The following GABRG3 variants were observed in gnomAD, a reference collection of about 807,000 sequenced individuals.
GABRG3 encodes the protein gamma-aminobutyric acid type A receptor subunit gamma3, also known as gamma-aminobutyric acid receptor subunit gamma-3.
In GABRG3, 25 loss-of-function variants were observed where a neutral mutation model predicts 48.8. That is an observed-to-expected ratio of 0.51 (90% CI 0.37 to 0.72). The LOEUF is 0.72. Among genes scored for constraint, GABRG3 ranks in the 30% least tolerant of loss-of-function variants. GABRG3 has a pLI of 0.00. For synonymous variants in GABRG3, 227 were observed against 217.6 expected, an observed-to-expected ratio of 1.04 and a Z score of -0.38; for missense variants, 394 against 577.9, an observed-to-expected ratio of 0.68 and a Z score of 3.26.
chr15:27,042,375 G>C (rs191690578), intron 3 of GABRG3, among the ~76,000 whole-genome samples: 1 of 152,288 alleles, frequency 6.6e-6, no homozygotes, highest in African/African-American at 2.4e-5. Context: ...GAATGCTGCA[G>C]CCCTCCTGCT....
intron 2 of GABRG3, among the ~76,000 whole-genome samples, chr15:26,978,117 A>T (rs61999631): frequency 0.043 from 6,497 of 152,032 alleles, 183 homozygotes; most frequent in Non-Finnish European, 0.061. Flanking sequence ...TTATTTATTT[A>T]TTTATTTTGC....
intron 3 of GABRG3, among the ~76,000 whole-genome samples, chr15:27,117,226 T>G (rs930725029): frequency 6.6e-6 from 1 of 152,214 alleles, no homozygotes; most frequent in Non-Finnish European, 1.5e-5. Flanking sequence ...GAAATCTCAT[T>G]TCATTGAAGT....
intron 3 of GABRG3, among the ~76,000 whole-genome samples, chr15:27,126,288 G>T (rs963899743): frequency 2.0e-5 from 3 of 152,200 alleles, no homozygotes; most frequent in Non-Finnish European, 2.9e-5. Flanking sequence ...ACTGGGGCAC[G>T]GAGAGGCTCA....
intron 3 of GABRG3, among the ~76,000 whole-genome samples, chr15:27,058,824 G>A (rs759963466): frequency 1.2e-4 from 19 of 152,084 alleles, no homozygotes; most frequent in Non-Finnish European, 2.2e-4. Context: ...ATGCCATATC[G>A]TATAAAGTAA....
At chr15:27,185,646 G>T (rs2140419134) in intron 3 of GABRG3, among the ~76,000 whole-genome samples, 1 of 152,226 alleles carries the variant, frequency 6.6e-6, no homozygotes, top group African/African-American at 2.4e-5. Flanking sequence ...TGTTCTCAAT[G>T]ATAGCTATAA....
intron 3 of GABRG3, among the ~76,000 whole-genome samples, chr15:27,270,736 G>A (rs920690181): frequency 1.3e-4 from 20 of 152,116 alleles, no homozygotes; most frequent in African/African-American, 2.4e-4. Flanking sequence ...AACTCTAAGA[G>A]TTATCACCAA....
chr15:27,476,650 T>G (rs1037512794), intron 5 of GABRG3, among the ~76,000 whole-genome samples: 1 of 151,778 alleles, frequency 6.6e-6, no homozygotes, highest in Admixed American at 6.6e-5. Flanking sequence ...GAAAAATGAA[T>G]GAAGAAAAAT....
chr15:27,502,790 G>A (rs902490034), intron 6 of GABRG3, among the ~76,000 whole-genome samples: 3 of 152,222 alleles, frequency 2.0e-5, no homozygotes, highest in African/African-American at 7.2e-5. Context: ...TATTTAACAG[G>A]ATACAAATAA....
At chr15:27,394,231 C>A (rs912419186) in intron 5 of GABRG3, among the ~76,000 whole-genome samples, 2 of 151,944 alleles carry the variant, frequency 1.3e-5, no homozygotes, top group African/African-American at 2.4e-5. Context: ...CTTGCTGTTT[C>A]TTTTACTACA....
chr15:27,406,333 T>C (rs1439843592), intron 5 of GABRG3, among the ~76,000 whole-genome samples: 1 of 152,136 alleles, frequency 6.6e-6, no homozygotes, highest in Non-Finnish European at 1.5e-5. Flanking sequence ...GAGTGTGGGC[T>C]GGACTTAATG....
At chr15:27,057,494 G>A (rs1896570640) in intron 3 of GABRG3, among the ~76,000 whole-genome samples, 1 of 152,150 alleles carries the variant, frequency 6.6e-6, no homozygotes, top group Non-Finnish European at 1.5e-5. Context: ...AATGTCATGG[G>A]GTGGTTTGAG....
chr15:26,993,243 C>T (rs1005042790), intron 2 of GABRG3, among the ~76,000 whole-genome samples: 2 of 152,092 alleles, frequency 1.3e-5, no homozygotes, highest in African/African-American at 2.4e-5. Flanking sequence ...TTTTCTTCTA[C>T]TCATTTTGAG....
chr15:27,292,008 A>C (rs1008646411), intron 3 of GABRG3, among the ~76,000 whole-genome samples: 1 of 152,046 alleles, frequency 6.6e-6, no homozygotes, highest in Middle Eastern at 3.4e-3. Flanking sequence ...CCACTGTTCA[A>C]CTCCCACTTA....
intron 5 of GABRG3, among the ~76,000 whole-genome samples, chr15:27,469,308 C>A (rs905380679): frequency 6.6e-6 from 1 of 152,198 alleles, no homozygotes; most frequent in African/African-American, 2.4e-5. Context: ...TCACATCCTG[C>A]TAATACTTCT....
chr15:27,125,763 CAG>C (rs755217281), intron 3 of GABRG3, among the ~76,000 whole-genome samples: 7 of 152,230 alleles, frequency 4.6e-5, no homozygotes, highest in African/African-American at 7.2e-5. Flanking sequence ...CAGAGGGAAA[CAG>C]AGACAGCAGC....
At chr15:27,306,494 TA>T (rs1436460089) in intron 3 of GABRG3, among the ~76,000 whole-genome samples, 2 of 139,058 alleles carry the variant, frequency 1.4e-5, no homozygotes, top group African/African-American at 5.3e-5. Context: ...ATATATAATA[TA>T]AACATATGTC....
chr15:27,518,225 C>G (rs2150861419), intron 6 of GABRG3, among the ~76,000 whole-genome samples: 1 of 144,618 alleles, frequency 6.9e-6, no homozygotes, highest in Non-Finnish European at 1.5e-5. Flanking sequence ...AAGAATTAGC[C>G]AGACGTGGTG....
chr15:27,114,561 G>A (rs917925825), intron 3 of GABRG3, among the ~76,000 whole-genome samples: 2 of 152,120 alleles, frequency 1.3e-5, no homozygotes, highest in African/African-American at 2.4e-5. Context: ...TCTGAAGTGC[G>A]CTTTGCTGTA....
chr15:27,316,009 G>T (rs1186754157), intron 3 of GABRG3, among the ~76,000 whole-genome samples: 1 of 152,044 alleles, frequency 6.6e-6, no homozygotes, highest in Non-Finnish European at 1.5e-5. Context: ...AACTTTGAAC[G>T]CTATTTTCCT....
Sources: allele counts gnomAD v4.1 joint callset (sites outside exome capture counted in the v4.1 genomes callset), GRCh38; gene constraint gnomAD v4.1.1; transcripts MANE v1.5; gene names NCBI Gene and HGNC (gene_info 2026-07-23, HGNC 2026-07-21).